The following PRKCE variants were observed in gnomAD, a reference collection of about 807,000 sequenced individuals.
The protein encoded by PRKCE is protein kinase C epsilon type.
PRKCE carries 16 observed loss-of-function variants against 85.4 expected under a neutral mutation model. The ratio of observed to expected loss-of-function variants is 0.19; its 90% CI spans 0.13 to 0.28. PRKCE has a LOEUF of 0.28. Among genes scored for constraint, PRKCE ranks in the 10% least tolerant of loss-of-function variants. The pLI is 1.00. For missense variants in PRKCE, 573 were observed against 975.2 expected (o/e 0.59, Z 5.49); for synonymous variants, 388 against 371.5 (o/e 1.04, Z -0.51).
chr2:45,962,122 T>G (rs1160652704), intron 2 of PRKCE, among the ~76,000 whole-genome samples: 3 of 152,160 alleles, frequency 2.0e-5, no homozygotes, highest in East Asian at 3.8e-4. Context: ...AGGGCTTAGA[T>G]TTTTGGATTA....
chr2:45,842,642 A>T (rs1691447864), intron 1 of PRKCE, among the ~76,000 whole-genome samples: 1 of 152,116 alleles, frequency 6.6e-6, no homozygotes, highest in Admixed American at 6.5e-5. Context: ...CTTTGTTGCG[A>T]GGGGTCATCC....
chr2:45,862,336 T>C (rs1693233431), intron 2 of PRKCE, among the ~76,000 whole-genome samples: 1 of 152,188 alleles, frequency 6.6e-6, no homozygotes, highest in Non-Finnish European at 1.5e-5. Context: ...CGTCCAGGTC[T>C]CACCACCTCC....
rs566561290 is a variant in PRKCE at position 45,752,530 on chromosome 2, C to T, written c.349-90470C>T. Among the ~76,000 whole-genome samples the T allele has an allele frequency of 3.9e-5, 6 of 152,002 alleles. No individual in the cohort carries two copies. The South Asian group carries it at 6.3e-4, about 16-fold the overall frequency. On this transcript the variant is annotated intron_variant, in intron 1 of 14. Transcript: ENST00000306156. ...TCCTGTGCATTCATTGGTTGTATGA[C>T]GTTACGGTGATCACTTCACCTCTCT... is the stretch of plus-strand genomic sequence containing the variant.
In PRKCE at chr2:45,981,321, G is replaced by A. The variant is rs181138669; in HGVS notation, c.693+940G>A. Among the ~76,000 whole-genome samples the A allele has an allele frequency of 1.3e-4, 20 of 152,302 alleles. No homozygotes were observed. In the East Asian group the frequency reaches 2.5e-3, roughly 19 times the overall value. Reference sequence around the variant, plus strand: ...TGTGTAGTCATAGGCTATTAGAATCGCGGGTTAGAGAGAAAGGCCTTGGGT... The same window carrying A: ...TGTGTAGTCATAGGCTATTAGAATCACGGGTTAGAGAGAAAGGCCTTGGGT... On this transcript the variant is annotated intron_variant, in intron 5 of 14. Transcript: ENST00000306156.
At chr2:46,144,988 CT>C in intron 11 of PRKCE, 104 bp from the exon 12 acceptor site, 1 of 1,520,062 alleles carries the variant, frequency 6.6e-7, no homozygotes, top group Non-Finnish European at 8.9e-7. Context: ...TCTTTCAGGA[CT>C]TTTTTGCTGG....
intron 2 of PRKCE, among the ~76,000 whole-genome samples, chr2:45,933,195 A>C (rs1250120126): frequency 6.6e-6 from 1 of 152,166 alleles, no homozygotes; most frequent in South Asian, 2.1e-4. Context: ...GATGATTTTT[A>C]GAAGGTCTTC....
chr2:46,169,895 TAGAC>T (rs1009974954), intron 14 of PRKCE, among the ~76,000 whole-genome samples: 8 of 152,284 alleles, frequency 5.3e-5, no homozygotes, highest in Admixed American at 3.9e-4. Context: ...GGGGAAGTGT[TAGAC>T]AGAACTGGGT....
chr2:45,792,734 A>G (rs1687129341), intron 1 of PRKCE, among the ~76,000 whole-genome samples: 1 of 152,220 alleles, frequency 6.6e-6, no homozygotes, highest in Non-Finnish European at 1.5e-5. Flanking sequence ...ATTAAATGAG[A>G]TAATGCTTAT....
chr2:45,925,013 A>G (rs1423690964), intron 2 of PRKCE, among the ~76,000 whole-genome samples: 1 of 152,202 alleles, frequency 6.6e-6, no homozygotes, highest in African/African-American at 2.4e-5. Context: ...TAATAGGTTC[A>G]GTGAGGGGAA....
At chr2:46,089,213 G>T (rs1669929358) in intron 11 of PRKCE, among the ~76,000 whole-genome samples, 1 of 152,002 alleles carries the variant, frequency 6.6e-6, no homozygotes, top group Non-Finnish European at 1.5e-5. Flanking sequence ...TACATACTGG[G>T]CAATTTCAAC....
chr2:45,900,413 G>A (rs569136461), intron 2 of PRKCE, among the ~76,000 whole-genome samples: 1 of 152,342 alleles, frequency 6.6e-6, no homozygotes, highest in East Asian at 1.9e-4. Flanking sequence ...GTCTATACAT[G>A]CAGTGGAATA....
intron 2 of PRKCE, among the ~76,000 whole-genome samples, chr2:45,974,608 C>A (rs985216080): frequency 2.6e-5 from 4 of 152,180 alleles, no homozygotes; most frequent in African/African-American, 9.7e-5. Context: ...CTGTTCTCAC[C>A]TTTTACCTCC....
intron 1 of PRKCE, chr2:45,698,034 T>C (rs1678297552): frequency 6.6e-6 from 1 of 152,594 alleles, no homozygotes; most frequent in Non-Finnish European, 1.5e-5. Flanking sequence ...TGTAGATTTA[T>C]TTTCAATTTC....
At chr2:45,882,104 T>C (rs1336301154) in intron 2 of PRKCE, among the ~76,000 whole-genome samples, 2 of 152,220 alleles carry the variant, frequency 1.3e-5, no homozygotes, top group Admixed American at 6.5e-5. Context: ...TAAGGTGTTA[T>C]AATTGTTTTT....
intron 8 of PRKCE, among the ~76,000 whole-genome samples, chr2:46,007,127 G>A (rs1050170014): frequency 6.6e-6 from 1 of 152,214 alleles, no homozygotes; most frequent in Non-Finnish European, 1.5e-5. Flanking sequence ...AGAGGGCCCA[G>A]ATTTGTGTGC....
chr2:45,719,074 G>A (rs576811529), intron 1 of PRKCE, among the ~76,000 whole-genome samples: 33 of 152,360 alleles, frequency 2.2e-4, no homozygotes, highest in African/African-American at 7.9e-4. Flanking sequence ...AATGTAAAGT[G>A]TGGAAAAATG....
At chr2:45,680,813 A>ACGTT (rs1465010708) in intron 1 of PRKCE, among the ~76,000 whole-genome samples, 1 of 152,254 alleles carries the variant, frequency 6.6e-6, no homozygotes, top group African/African-American at 2.4e-5. Context: ...AACCAGATGA[A>ACGTT]CACATGTAAA....
At chr2:45,824,974 G>A (rs6719209) in intron 1 of PRKCE, among the ~76,000 whole-genome samples, 95,797 of 152,036 alleles carry the variant, frequency 0.63, 31,492 homozygotes, top group African/African-American at 0.82. Context: ...TGGGTGGTGG[G>A]AACCGGGAAA....
intron 14 of PRKCE, among the ~76,000 whole-genome samples, chr2:46,161,373 A>G (rs1438779498): frequency 1.3e-5 from 2 of 152,260 alleles, no homozygotes; most frequent in Non-Finnish European, 2.9e-5. Context: ...CCAAAGAAAA[A>G]TTAGAAGTAG....
Sources: allele counts gnomAD v4.1 joint callset (sites outside exome capture counted in the v4.1 genomes callset), GRCh38; gene constraint gnomAD v4.1.1; transcripts MANE v1.5; gene names NCBI Gene and HGNC (gene_info 2026-07-23, HGNC 2026-07-21).